The following RORC variants were observed in gnomAD, a reference collection of about 807,000 sequenced individuals.
RORC encodes the protein RAR related orphan receptor C.
In RORC, 13 loss-of-function variants were observed where a neutral mutation model predicts 64.5. The observed-to-expected ratio is 0.20, with a 90% CI of 0.13 to 0.32. RORC has a LOEUF of 0.32. RORC is among the 10% of genes least tolerant of loss of function. The pLI is 1.00. For missense variants in RORC, 468 were observed against 669.5 expected (o/e 0.70, Z 3.32); for synonymous variants, 277 against 259.3 (o/e 1.07, Z -0.65).
chr1:151,817,919 G>A (rs941443444), intron 2 of RORC, among the ~76,000 whole-genome samples: 4 of 152,240 alleles, frequency 2.6e-5, no homozygotes, highest in Admixed American at 2.6e-4. Context: ...ATTAGCCAGG[G>A]CTCTTAGGCT....
Position 151,807,484 on chromosome 1 carries a change from C to T in RORC, c.1545G>A (p.Gly515=), listed in dbSNP as rs199723679. The change falls in exon 11 of 11, where the codon GGG becomes GGA. Residue 515 remains glycine (G), a synonymous_variant. Transcript: ENST00000318247. This position sits in a 1 kb window ranked among gnomAD's most constrained non-coding sequence, Gnocchi z 5.0. Reference sequence around the variant, plus strand: ...TCCCTCTTCCAGGTCACTTGGACAGCCCCACAGGTGACTCGGTTTCAGTGC... The same window carrying T: ...TCCCTCTTCCAGGTCACTTGGACAGTCCCACAGGTGACTCGGTTTCAGTGC... The part of the protein sequence containing the change: ...LFSTETESPV[G]LSK 19 of 1,614,012 alleles carry T rather than the reference C, an allele frequency of 1.2e-5. No homozygotes were observed. Among genetic ancestry groups the T allele is most frequent in the Non-Finnish European group, 1.5e-5 (18 of 1,180,002 alleles).
chr1:151,813,153 G>A (rs1028798447), intron 8 of RORC, 86 bp downstream of exon 8: 19 of 1,465,594 alleles, frequency 1.3e-5, no homozygotes, highest in South Asian at 5.8e-5. Flanking sequence ...GGGGCAATTC[G>A]CCCTGAAAAG....
At position 151,816,756 on chromosome 1, in the gene RORC, C is replaced by T. The variant is rs755871920; in HGVS notation, c.206G>A (p.Arg69His). 14 of 1,591,658 alleles carry T rather than the reference C, an allele frequency of 8.8e-6. No homozygotes were observed. The highest frequency in any genetic ancestry group is 4.0e-5 in the African/African-American group (3 of 74,460). ...QRCNAAYSCT[R>H]QQNCPIDRTS... ...GCGGTCGATGGGGCAGTTCTGCTGACGGGTGCAGGAGTAGGCCGCGTTACA... is the reference window on the plus strand; with the variant it reads ...GCGGTCGATGGGGCAGTTCTGCTGATGGGTGCAGGAGTAGGCCGCGTTACA... The change falls in exon 4 of 11, where the codon CGT becomes CAT. Residue 69 changes from arginine (R) to histidine (H), a missense_variant. Physicochemically the swap from Arg to His is conservative, Grantham distance 29 (BLOSUM62 0). Transcript: ENST00000318247.
intron 3 of RORC, 130 bp from the exon 4 acceptor site, chr1:151,816,935 T>A: frequency 9.5e-7 from 1 of 1,051,894 alleles, no homozygotes; most frequent in Non-Finnish European, 1.3e-6. Flanking sequence ...CTCTCCTCCA[T>A]CTATTTGTGT....
chr1:151,827,913 G>C (rs527809354), intron 2 of RORC, among the ~76,000 whole-genome samples: 1 of 152,010 alleles, frequency 6.6e-6, no homozygotes, highest in Non-Finnish European at 1.5e-5. Context: ...CTGCTGCTCC[G>C]AAAGTCCCCC....
At chr1:151,824,280 C>T (rs373263219) in intron 2 of RORC, among the ~76,000 whole-genome samples, 3 of 152,112 alleles carry the variant, frequency 2.0e-5, no homozygotes, top group Admixed American at 6.5e-5. Flanking sequence ...CCTACTTCCC[C>T]GCCTGGGTGG....
rs543654294 is a variant in RORC at position 151,830,996 on chromosome 1, C to T, written c.40+729G>A. ...GTGGCTCTGGCCCTCAAACTTTCCT[C>T]CTCCATGCTCACAGCTGACCAAGCC... On this transcript the variant is annotated intron_variant, in intron 1 of 10. Coordinates refer to ENST00000318247, the MANE Select transcript of RORC (RefSeq NM_005060.4). The surrounding 1 kb of genome is among the most constrained non-coding windows in gnomAD (Gnocchi z 4.0). The T allele has an allele frequency of 2.5e-4, 320 of 1,289,346 alleles. No individual in the cohort carries two copies. The highest frequency in any genetic ancestry group is 7.4e-4 in the South Asian group (60 of 81,030). 79.9% of individuals were successfully genotyped at this position (1,289,346 alleles called of 1,614,324 possible).
At chr1:151,829,286 C>T in intron 2 of RORC, 143 bp downstream of exon 2, 1 of 688,060 alleles carries the variant, frequency 1.5e-6, no homozygotes, top group Non-Finnish European at 2.4e-6. Context: ...TTCCTCGCAC[C>T]TCCCCTTGCT....
rs895210675 is a variant in RORC, at chr1:151,806,124, T to G, written c.*1348A>C. 1 of 152,554 alleles carries G rather than the reference T, an allele frequency of 6.6e-6. No individual in the cohort carries two copies. The highest frequency in any genetic ancestry group is 1.5e-5 in the Non-Finnish European group (1 of 68,036). 9.5% of individuals were successfully genotyped at this position (152,554 alleles called of 1,614,324 possible). On this transcript the variant is annotated 3_prime_UTR_variant, in exon 11 of 11. Transcript: ENST00000318247. ...GGCACAAGTTGGGGTTTATGTTTAC[T>G]CAGATGAACCCGTCCCCTTAGAGGA...
chr1:151,826,198 A>C, intron 2 of RORC: 5 of 803,012 alleles, frequency 6.2e-6, no homozygotes, highest in South Asian at 4.8e-5. Context: ...CACGTGGCCA[A>C]TCTGGGCCTG....
rs959401711 is a variant in RORC at position 151,815,014 on chromosome 1, C to G, written c.710G>C (p.Arg237Thr). The stretch of plus-strand genomic sequence containing the variant: ...TCCCAGTTCCCCAAGCCCAGGATGC[C>G]TGTGTTCCTCAAAACGAAGTCCACA... Reference protein sequence around the residue: ...DRCGLRFEEHRHPGLGELGQG... With the variant: ...DRCGLRFEEHTHPGLGELGQG... Residue 237 changes from arginine to threonine, a missense_variant, in exon 5 of 11, where the codon AGG (arginine) becomes ACG (threonine). Arg to Thr is a moderately conservative substitution (Grantham distance 71). This residue lies in a region of RORC where 241 missense variants were observed against 295.5 expected (regional missense o/e 0.82). Coordinates refer to ENST00000318247, the MANE Select transcript of RORC (RefSeq NM_005060.4). 6 of 1,614,234 alleles carry G rather than the reference C, an allele frequency of 3.7e-6. No homozygotes were observed. The highest frequency in any genetic ancestry group is 5.1e-6 in the Non-Finnish European group (6 of 1,180,034).
At chr1:151,815,536 G>T in intron 4 of RORC, 111 bp from the exon 5 acceptor site, 1 of 1,366,412 alleles carries the variant, frequency 7.3e-7, no homozygotes, top group Non-Finnish European at 9.7e-7. Flanking sequence ...CTGAATGGCT[G>T]ACTCCAAGCA....
rs865853876 is a variant in RORC, at chr1:151,830,676, C to T, written c.40+1049G>A. 1.6e-4 allele frequency among the ~76,000 whole-genome samples: 10 copies of T among 61,792 alleles called. No homozygotes were observed. The highest frequency in any genetic ancestry group is 2.9e-4 in the Non-Finnish European group (8 of 27,472). The allele number at this position is 61,792 out of a possible 152,430, so 40.5% of individuals were successfully genotyped here. A position where few individuals can be genotyped will look rare whatever the true frequency, so the allele number is the denominator to read the frequency against. ...CACACACACACAGTGCCCTTCTGCC[C>T]GGGAGATGCTCCCCACTGGCAGGCC... On this transcript the variant is annotated intron_variant, in intron 1 of 10. Coordinates refer to ENST00000318247, the MANE Select transcript of RORC (RefSeq NM_005060.4). The surrounding 1 kb of genome is among the most constrained non-coding windows in gnomAD (Gnocchi z 4.0).
At chr1:151,816,401 G>T (rs1283370040) in intron 4 of RORC, among the ~76,000 whole-genome samples, 7 of 152,216 alleles carry the variant, frequency 4.6e-5, no homozygotes, top group South Asian at 2.1e-4. Context: ...TTCGTTCCAA[G>T]TAAGAAGAGA....
chr1:151,815,956 C>T (rs976782890), intron 4 of RORC, among the ~76,000 whole-genome samples: 12 of 152,234 alleles, frequency 7.9e-5, no homozygotes, highest in South Asian at 2.1e-4. Context: ...TTTACTCCCC[C>T]CGCCACCCCT....
Position 151,811,477 on chromosome 1 carries a change from T to C in RORC, c.1286-43A>G, listed in dbSNP as rs370236512. Reference sequence around the variant, plus strand: ...ACCGTAATGAGAACAAGAAAGAACATGGACATTAACTCCCAACAAAAGGGT... The same window carrying C: ...ACCGTAATGAGAACAAGAAAGAACACGGACATTAACTCCCAACAAAAGGGT... On this transcript the variant is annotated intron_variant, in intron 9 of 10. Coordinates refer to ENST00000318247, the MANE Select transcript of RORC (RefSeq NM_005060.4). The C allele has an allele frequency of 2.1e-5, 27 of 1,261,322 alleles. No homozygotes were observed. In the African/African-American group the frequency reaches 3.7e-4, roughly 17 times the overall value. 78.1% of individuals were successfully genotyped at this position (1,261,322 alleles called of 1,614,324 possible).
chr1:151,826,271 T>G (rs752294087), intron 2 of RORC, among the ~76,000 whole-genome samples: 2 of 152,086 alleles, frequency 1.3e-5, no homozygotes, highest in Non-Finnish European at 2.9e-5. Flanking sequence ...CAAAACCACA[T>G]GCGACAGCCA....
At chr1:151,812,894 C>G in intron 9 of RORC, 53 bp downstream of exon 9, 8 of 1,177,658 alleles carry the variant, frequency 6.8e-6, no homozygotes, top group Non-Finnish European at 1.0e-5. Context: ...TCTTCAATAT[C>G]TGCCATGCCC....
At position 151,826,852 on chromosome 1, in the gene RORC, T is replaced by C. The variant is rs749570846; in HGVS notation, c.70+2577A>G. On this transcript the variant is annotated intron_variant, in intron 2 of 10. Coordinates refer to ENST00000318247, the MANE Select transcript of RORC (RefSeq NM_005060.4). ...CTTTATGTGGGCCGGGGGCAGTGGC[T>C]CACGCCTGTAATCCCAGCACTTTGG... Among the ~76,000 whole-genome samples the C allele has an allele frequency of 8.7e-4, 132 of 152,250 alleles. 1 individual carries two copies. The highest frequency in any genetic ancestry group is 9.4e-4 in the Non-Finnish European group (64 of 68,052).
Sources: allele counts gnomAD v4.1 joint callset (sites outside exome capture counted in the v4.1 genomes callset), GRCh38; gene constraint gnomAD v4.1.1; regional missense constraint gnomAD v4.1.1; non-coding constraint Gnocchi (gnomAD v3.1); transcripts MANE v1.5; gene names NCBI Gene and HGNC (gene_info 2026-07-23, HGNC 2026-07-21).